The following DEGS2 variants were observed in gnomAD, a reference collection of about 807,000 sequenced individuals.
DEGS2 encodes the protein delta 4-desaturase, sphingolipid 2.
Under a neutral mutation model 23.8 loss-of-function variants are expected in DEGS2, and 19 were observed. The ratio of observed to expected loss-of-function variants is 0.80; its 90% CI spans 0.56 to 1.17. The LOEUF is 1.17. Among genes scored for constraint, DEGS2 ranks in the 50% most tolerant of loss-of-function variants. The pLI, the probability that DEGS2 is intolerant of heterozygous loss-of-function variation, is 0.00. For synonymous variants in DEGS2, 218 were observed against 213.7 expected (o/e 1.02, Z -0.18); for missense variants, 390 against 459.5 (o/e 0.85, Z 1.38).
upstream of DEGS2, chr14:100,160,278 C>G (rs1470545636): frequency 6.6e-6 from 1 of 152,254 alleles, no homozygotes; most frequent in Admixed American, 6.5e-5. Context: ...GACACAGGTA[C>G]AGAAGTGGCT....
chr14:100,164,452 A>G (rs1465100752), upstream of DEGS2, among the ~76,000 whole-genome samples: 2 of 152,044 alleles, frequency 1.3e-5, no homozygotes, highest in Non-Finnish European at 2.9e-5. Flanking sequence ...CCTGGCCAAC[A>G]TGCTGCAACC....
chr14:100,149,122 G>A lies in DEGS2; in HGVS notation c.671C>T (p.Pro224Leu). 6.2e-7 allele frequency: 1 copy of A among 1,613,026 alleles called. No homozygotes were observed. Among genetic ancestry groups the A allele is most frequent in the Non-Finnish European group, 8.5e-7 (1 of 1,180,006 alleles). The change falls in exon 2 of 3, where the codon CCC becomes CTC. Residue 224 changes from proline (P) to leucine (L), a missense_variant. By Grantham distance (98) the Pro-to-Leu change is moderately conservative. Coordinates refer to ENST00000305631, the MANE Select transcript of DEGS2 (RefSeq NM_206918.3). ...CTCGGCCACGAAGTGGCCCGAGATG[G>A]GGTGCAGGCCCAGGCCCAGGAAGGA... ...ASSFLGLGLHPISGHFVAEHY... is the reference protein window; with the variant it reads ...ASSFLGLGLHLISGHFVAEHY...
At chr14:100,159,767 G>A, upstream of DEGS2, 1 of 345,116 alleles carries the variant, frequency 2.9e-6, no homozygotes, top group Non-Finnish European at 5.2e-6. Flanking sequence ...GGGCCCCGGC[G>A]CTCTCCAGAC....
intron 1 of DEGS2, among the ~76,000 whole-genome samples, chr14:100,159,203 C>G (rs553826893): frequency 2.6e-5 from 4 of 152,122 alleles, no homozygotes; most frequent in Non-Finnish European, 5.9e-5. Flanking sequence ...GTCCCAGCAT[C>G]CCAGAGCCCC....
At chr14:100,164,670 C>T in the DEGS2 span, among the ~76,000 whole-genome samples, 4 of 152,108 alleles carry the variant, frequency 2.6e-5, no homozygotes, top group East Asian at 7.7e-4. Flanking sequence ...AATAATAAAA[C>T]AGTGATTTGC....
chr14:100,146,736 G>A lies in DEGS2; in HGVS notation c.*25C>T. ...GCTGAGGGGCCGATGGGGGACAATG[G>A]CCACCACCAGGAGGCAGCCCGGGCT... On this transcript the variant is annotated 3_prime_UTR_variant, in exon 3 of 3. Transcript: ENST00000305631. 6.2e-7 allele frequency: 1 copy of A among 1,610,428 alleles called. No individual in the cohort carries two copies.
the DEGS2 span, among the ~76,000 whole-genome samples, chr14:100,166,327 CTGT>C: frequency 1.5e-4 from 3 of 19,798 alleles, no homozygotes; most frequent in Non-Finnish European, 1.7e-4. Flanking sequence ...CTGCCCGGGG[CTGT>C]GGGGGAGCCT....
rs138451806 is a variant in DEGS2 at position 100,149,133 on chromosome 14, C to T, written c.660G>A (p.Leu220=). The T allele has an allele frequency of 3.5e-5, 57 of 1,613,002 alleles. No individual in the cohort carries two copies. In the African/African-American group the frequency reaches 7.1e-4, roughly 20 times the overall value. The change falls in exon 2 of 3, where the codon CTG becomes CTA. Residue 220 remains leucine, a synonymous_variant. Transcript: ENST00000305631. ...VYLLASSFLG[L]GLHPISGHFV... ...AGTGGCCCGAGATGGGGTGCAGGCC[C>T]AGGCCCAGGAAGGAGCTGGCCAGCA...
At chr14:100,158,086 CAAAAAAAA>C (rs55666851) in intron 1 of DEGS2, among the ~76,000 whole-genome samples, 7 of 98,010 alleles carry the variant, frequency 7.1e-5, no homozygotes, top group African/African-American at 8.2e-5. Context: ...GACTTCCTCT[CAAAAAAAA>C]AAAAAAAAAA....
chr14:100,158,545 T>A (rs369639266), intron 1 of DEGS2, among the ~76,000 whole-genome samples: 4 of 152,240 alleles, frequency 2.6e-5, no homozygotes, highest in East Asian at 3.9e-4. Flanking sequence ...ATAAATAAAT[T>A]AATTAAATTA....
intron 2 of DEGS2, among the ~76,000 whole-genome samples, chr14:100,147,392 C>T (rs1331895769): frequency 1.3e-5 from 2 of 152,192 alleles, no homozygotes; most frequent in Non-Finnish European, 2.9e-5. Flanking sequence ...CGCCTGAGTC[C>T]TACCAGGCCA....
chr14:100,147,978 G>T (rs1889483278), intron 2 of DEGS2, among the ~76,000 whole-genome samples: 2 of 152,178 alleles, frequency 1.3e-5, no homozygotes, highest in Admixed American at 1.3e-4. Context: ...CTCCTGGGCT[G>T]TGGTGAAGTT....
At chr14:100,164,451 C>T (rs1182400357), upstream of DEGS2, among the ~76,000 whole-genome samples, 1 of 152,044 alleles carries the variant, frequency 6.6e-6, no homozygotes, top group Non-Finnish European at 1.5e-5. Context: ...GCCTGGCCAA[C>T]ATGCTGCAAC....
In DEGS2 at chr14:100,149,102, C is replaced by T. The variant is rs1287596760; in HGVS notation, c.691G>A (p.Ala231Thr). ...GLHPISGHFV[A>T]EHYMFLKGHE... ...CCCTTGAGGAACATGTAGTGCTCGGCCACGAAGTGGCCCGAGATGGGGTGC... is the reference window on the plus strand; with the variant it reads ...CCCTTGAGGAACATGTAGTGCTCGGTCACGAAGTGGCCCGAGATGGGGTGC... Residue 231 changes from alanine to threonine, a missense_variant, in exon 2 of 3, where the codon GCC becomes ACC. Coordinates refer to ENST00000305631, the MANE Select transcript of DEGS2 (RefSeq NM_206918.3). 6.2e-7 allele frequency: 1 copy of T among 1,612,980 alleles called. No individual in the cohort carries two copies. The highest frequency in any genetic ancestry group is 1.6e-4 in the Middle Eastern group (1 of 6,062).
Position 100,146,195 on chromosome 14 carries a change from C to T in DEGS2, c.*566G>A, listed in dbSNP as rs1157035514. 1 of 152,738 alleles carries T rather than the reference C, an allele frequency of 6.5e-6. No individual in the cohort carries two copies. The highest frequency in any genetic ancestry group is 1.9e-4 in the East Asian group (1 of 5,192). The allele number at this position is 152,738 out of a possible 1,614,324, so 9.5% of individuals were successfully genotyped here. A position where few individuals can be genotyped will look rare whatever the true frequency, so the allele number is the denominator to read the frequency against. On this transcript the variant is annotated 3_prime_UTR_variant, in exon 3 of 3. Coordinates refer to ENST00000305631, the MANE Select transcript of DEGS2 (RefSeq NM_206918.3). ...TGACCAAAGTGAGCTTTCTGCTGTC[C>T]ACACCTCAGTGTGTGTGCACACCAC...
the DEGS2 span, among the ~76,000 whole-genome samples, chr14:100,164,682 G>C: frequency 3.3e-5 from 5 of 152,182 alleles, no homozygotes; most frequent in Non-Finnish European, 7.3e-5. Flanking sequence ...GTGATTTGCT[G>C]AATGAATGAC....
chr14:100,166,087 C>G, the DEGS2 span, among the ~76,000 whole-genome samples: 16 of 37,984 alleles, frequency 4.2e-4, 1 homozygote, highest in Admixed American at 8.6e-4. Flanking sequence ...GTTGGGGGAG[C>G]CTGCCCGGGA....
intron 1 of DEGS2, among the ~76,000 whole-genome samples, chr14:100,154,818 C>G (rs1010318194): frequency 2.0e-5 from 3 of 152,216 alleles, no homozygotes; most frequent in Non-Finnish European, 4.4e-5. Context: ...CTGCTGTACC[C>G]TTGCCTCCAA....
chr14:100,149,164 A>G lies in DEGS2; in HGVS notation c.629T>C (p.Val210Ala). 1 of 1,612,898 alleles carries G rather than the reference A, an allele frequency of 6.2e-7. No homozygotes were observed. The highest frequency in any genetic ancestry group is 1.3e-5 in the African/African-American group (1 of 75,058). ...CAGGAAGGAGCTGGCCAGCAGGTAGACCACGGGCTTGAGCCCCCAAAGGGC... is the reference window on the plus strand; with the variant it reads ...CAGGAAGGAGCTGGCCAGCAGGTAGGCCACGGGCTTGAGCCCCCAAAGGGC... ...IFALWGLKPV[V>A]YLLASSFLGL... The change falls in exon 2 of 3, where the codon GTC becomes GCC. Residue 210 changes from valine to alanine, a missense_variant. Physicochemically the swap from Val to Ala is moderately conservative, Grantham distance 64. Coordinates refer to ENST00000305631, the MANE Select transcript of DEGS2 (RefSeq NM_206918.3).
Sources: gnomAD v4.1 joint callset for allele counts (sites outside exome capture counted in the v4.1 genomes callset) on GRCh38, gnomAD v4.1.1 for gene constraint, MANE v1.5 for transcripts, NCBI Gene and HGNC (gene_info 2026-07-23, HGNC 2026-07-21) for gene names.